TMEFF2: variants seen among roughly 807,000 people sequenced by gnomAD.
The protein encoded by TMEFF2 is tomoregulin-2.
TMEFF2 carries 28 observed loss-of-function variants against 53.8 expected under a neutral mutation model. The observed-to-expected ratio is 0.52, with a 90% CI of 0.39 to 0.71. The LOEUF (loss-of-function observed/expected upper bound fraction) is 0.71, where lower values mean the gene tolerates loss of function less well. Among genes scored for constraint, TMEFF2 ranks in the 30% least tolerant of loss-of-function variants. TMEFF2 has a pLI of 0.00. For synonymous variants in TMEFF2, 162 were observed against 166.3 expected (o/e 0.97, Z 0.20); for missense variants, 353 against 455.2 (o/e 0.78, Z 2.04).
intron 4 of TMEFF2, among the ~76,000 whole-genome samples, chr2:192,112,175 C>T (rs1689296919): frequency 6.6e-6 from 1 of 152,196 alleles, no homozygotes. Flanking sequence ...GGTAGATCCA[C>T]TGACAGCTTG....
chr2:192,073,082 T>C (rs75758776), intron 4 of TMEFF2, among the ~76,000 whole-genome samples: 3,273 of 152,074 alleles, frequency 0.022, 102 homozygotes, highest in African/African-American at 0.075. Context: ...AAATAAAACA[T>C]GTACCTTGCT....
chr2:191,992,238 C>G (rs1686124789), intron 7 of TMEFF2, among the ~76,000 whole-genome samples: 1 of 152,052 alleles, frequency 6.6e-6, no homozygotes, highest in Non-Finnish European at 1.5e-5. Flanking sequence ...TATTTATTTC[C>G]TACAGATCAA....
chr2:192,110,971 C>T (rs1253468402), intron 4 of TMEFF2, among the ~76,000 whole-genome samples: 5 of 152,116 alleles, frequency 3.3e-5, no homozygotes, highest in African/African-American at 4.8e-5. Context: ...TTGCCTGCTG[C>T]GATGTAAGAC....
chr2:192,191,095 A>G (rs575293505), intron 2 of TMEFF2, among the ~76,000 whole-genome samples: 2 of 152,230 alleles, frequency 1.3e-5, no homozygotes, highest in Non-Finnish European at 2.9e-5. Flanking sequence ...TGAGAGGAAA[A>G]GTTTTATAAC....
At chr2:192,172,649 T>A (rs967153451) in intron 4 of TMEFF2, among the ~76,000 whole-genome samples, 1 of 152,086 alleles carries the variant, frequency 6.6e-6, no homozygotes, top group Admixed American at 6.6e-5. Context: ...AGTAATAGAA[T>A]AGTTGGCAAT....
chr2:192,143,137 T>C (rs1690175628), intron 4 of TMEFF2, among the ~76,000 whole-genome samples: 1 of 152,202 alleles, frequency 6.6e-6, no homozygotes, highest in Admixed American at 6.5e-5. Context: ...AAGCATGAGC[T>C]CTTTAGTCTA....
At chr2:192,171,496 G>A (rs1236660095) in intron 4 of TMEFF2, among the ~76,000 whole-genome samples, 1 of 151,676 alleles carries the variant, frequency 6.6e-6, no homozygotes, top group Non-Finnish European at 1.5e-5. Flanking sequence ...CCTTCCAATG[G>A]CTCCCTGCTC....
At chr2:192,147,991 C>T (rs1204451155) in intron 4 of TMEFF2, among the ~76,000 whole-genome samples, 1 of 151,996 alleles carries the variant, frequency 6.6e-6, no homozygotes, top group African/African-American at 2.4e-5. Flanking sequence ...ATTGGTAATG[C>T]CTGTTCCTCA....
At chr2:191,959,987 G>A (rs1013769229) in intron 7 of TMEFF2, among the ~76,000 whole-genome samples, 8 of 152,028 alleles carry the variant, frequency 5.3e-5, no homozygotes, top group Non-Finnish European at 7.4e-5. Context: ...AGTGATTCTC[G>A]TGTCTCTGCC....
At chr2:192,162,517 A>G (rs902646719) in intron 4 of TMEFF2, among the ~76,000 whole-genome samples, 2 of 152,142 alleles carry the variant, frequency 1.3e-5, no homozygotes, top group African/African-American at 4.8e-5. Flanking sequence ...CCAACTCATA[A>G]TCTTTGTTGG....
At chr2:192,179,240 T>C (rs1228357506) in intron 4 of TMEFF2, 2 of 157,676 alleles carry the variant, frequency 1.3e-5, no homozygotes, top group Non-Finnish European at 2.8e-5. Context: ...AATTAAAACC[T>C]TGGCTATATG....
At chr2:191,972,049 G>A (rs1692657937) in intron 7 of TMEFF2, among the ~76,000 whole-genome samples, 1 of 152,092 alleles carries the variant, frequency 6.6e-6, no homozygotes, top group African/African-American at 2.4e-5. Flanking sequence ...AATGGAGAAT[G>A]TGCCAGCTAT....
chr2:191,978,349 A>C (rs1284024094), intron 7 of TMEFF2, among the ~76,000 whole-genome samples: 1 of 151,982 alleles, frequency 6.6e-6, no homozygotes, highest in Non-Finnish European at 1.5e-5. Flanking sequence ...AAATTGCTTA[A>C]TCTTTCTGAG....
At chr2:192,120,116 C>A (rs941475913) in intron 4 of TMEFF2, among the ~76,000 whole-genome samples, 2 of 152,118 alleles carry the variant, frequency 1.3e-5, no homozygotes, top group Admixed American at 6.6e-5. Context: ...GCTGGTAGGG[C>A]AAATTTCCAA....
intron 7 of TMEFF2, among the ~76,000 whole-genome samples, chr2:191,973,672 T>C (rs1401326508): frequency 6.6e-6 from 1 of 152,108 alleles, no homozygotes; most frequent in Non-Finnish European, 1.5e-5. Flanking sequence ...TTAACAAAGA[T>C]AGTGACATGG....
intron 7 of TMEFF2, among the ~76,000 whole-genome samples, chr2:191,961,240 G>A (rs971190963): frequency 6.6e-6 from 1 of 152,028 alleles, no homozygotes; most frequent in Admixed American, 6.6e-5. Flanking sequence ...TTTGTTTAGT[G>A]GACCTAAGTT....
chr2:192,127,229 A>G (rs1028187501), intron 4 of TMEFF2, among the ~76,000 whole-genome samples: 7 of 152,252 alleles, frequency 4.6e-5, no homozygotes, highest in Non-Finnish European at 7.4e-5. Flanking sequence ...GCAAGAAGGA[A>G]AAACTGACTT....
rs574779306 is a variant in TMEFF2, at chr2:191,997,241, A to G, written c.745+1021T>C. ...TATAGCACATAAAAAATCCATCTAC[A>G]TATTGAAAAACATTAAGATAAAATG... On this transcript the variant is annotated intron_variant, in intron 7 of 9. Coordinates refer to ENST00000272771, the MANE Select transcript of TMEFF2 (RefSeq NM_016192.4). Among the ~76,000 whole-genome samples, 5 of 152,038 alleles carry G rather than the reference A, an allele frequency of 3.3e-5. No individual in the cohort carries two copies. In the East Asian group the frequency reaches 9.6e-4, roughly 29 times the overall value.
chr2:191,950,534 T>C, intron 9 of TMEFF2, 127 bp from the exon 10 acceptor site: 2 of 1,316,730 alleles, frequency 1.5e-6, no homozygotes, highest in Admixed American at 3.6e-5. Context: ...AATTTATCAT[T>C]AGTAGAAGCT....
Sources: gnomAD v4.1 joint callset for allele counts (sites outside exome capture counted in the v4.1 genomes callset) on GRCh38, gnomAD v4.1.1 for gene constraint, MANE v1.5 for transcripts, NCBI Gene and HGNC (gene_info 2026-07-23, HGNC 2026-07-21) for gene names.